Variants in DDX54 observed in about 807,000 individuals in gnomAD.
The protein encoded by DDX54 is ATP-dependent RNA helicase DDX54.
Under a neutral mutation model 105.5 loss-of-function variants are expected in DDX54, and 67 were observed. The ratio of observed to expected loss-of-function variants is 0.64; its 90% CI spans 0.52 to 0.78. The LOEUF is 0.78. Ranked by LOEUF, DDX54 falls within the 30% of genes least tolerant of loss-of-function variation. The pLI is 0.00. For synonymous variants in DDX54, 514 were observed against 509.9 expected (o/e 1.01, Z -0.11); for missense variants, 1,206 against 1,230.5 (o/e 0.98, Z 0.30).
intron 10 of DDX54, among the ~76,000 whole-genome samples, chr12:113,173,800 C>T (rs1952365662): frequency 1.3e-5 from 2 of 152,194 alleles, no homozygotes; most frequent in Admixed American, 6.5e-5. Context: ...GACCAGCTAT[C>T]AGCTGGTAAC....
In DDX54 at chr12:113,165,632, G is replaced by T. The variant is rs139034427; in HGVS notation, c.1719+12C>A. 1 of 1,596,710 alleles carries T rather than the reference G, an allele frequency of 6.3e-7. No homozygotes were observed. Among genetic ancestry groups the T allele is most frequent in the Admixed American group, 1.7e-5 (1 of 58,744 alleles). On this transcript the variant is annotated intron_variant, in intron 14 of 19. Transcript: ENST00000306014. ...AGGACTCAGAGCGTGGTCTCCACCC[G>T]GCCCCACTCACCGCCCGGGAGCGGT...
chr12:113,174,903 AC>A lies in DDX54; in HGVS notation c.907del (p.Val303TrpfsTer9). The A allele has an allele frequency of 6.2e-7, 1 of 1,613,874 alleles. No homozygotes were observed. Among genetic ancestry groups the A allele is most frequent in the South Asian group, 1.1e-5 (1 of 91,062 alleles). On this transcript the variant is annotated frameshift_variant, in exon 9 of 20. Coordinates refer to ENST00000306014, the MANE Select transcript of DDX54 (RefSeq NM_024072.4). LOFTEE classifies it high-confidence loss of function. ...CAGCTGCTCGTTGAGCTTGGTATCC[AC>A]GTCAAGCCGGATGAGCACGGGCTCC... ...LTEPVLIRLD[V>X]DTKLNEQLKT...
At chr12:113,172,253 GCCACC>G in intron 11 of DDX54, 95 bp downstream of exon 11, 4 of 1,358,132 alleles carry the variant, frequency 2.9e-6, no homozygotes, top group South Asian at 2.6e-5. Flanking sequence ...AAGGCCCACA[GCCACC>G]CCATGTGCAG....
intron 3 of DDX54, 66 bp from the exon 4 acceptor site, chr12:113,179,397 C>A: frequency 6.4e-7 from 1 of 1,557,722 alleles, no homozygotes; most frequent in Admixed American, 1.8e-5. Context: ...TCCAGAGCTT[C>A]AAGGCCCTGA....
rs867017030 is a variant in DDX54, at chr12:113,175,823, C to T, written c.753-666G>A. ...AAAAAATTAGCTGGGCATGGTGGCG[C>T]ATGCCTATATTCCCAGCTACTCAGG... is the stretch of plus-strand genomic sequence containing the variant. On this transcript the variant is annotated intron_variant, in intron 7 of 19. Coordinates refer to ENST00000306014, the MANE Select transcript of DDX54 (RefSeq NM_024072.4). Among the ~76,000 whole-genome samples, 5 of 152,096 alleles carry T rather than the reference C, an allele frequency of 3.3e-5. No homozygotes were observed. The Middle Eastern group carries it at 0.014, about 417-fold the overall frequency.
At chr12:113,173,062 T>C (rs1952358378) in intron 10 of DDX54, among the ~76,000 whole-genome samples, 1 of 152,196 alleles carries the variant, frequency 6.6e-6, no homozygotes, top group South Asian at 2.1e-4. Context: ...CTATTTAAAC[T>C]GGGCATGGTG....
In DDX54 at chr12:113,185,305, C is replaced by T; in HGVS notation, c.147G>A (p.Gln49=). Residue 49 remains glutamine (Q), a synonymous_variant, in exon 1 of 20, where the codon CAG becomes CAA. Coordinates refer to ENST00000306014, the MANE Select transcript of DDX54 (RefSeq NM_024072.4). The stretch of plus-strand genomic sequence containing the variant: ...TCCGGGCCCGGGCGTCATCTTCCGC[C>T]TGGATCTCAAACTCGCCGTCCTCCG... ...SDSEDGEFEI[Q]AEDDARARKL... The T allele has an allele frequency of 6.3e-7, 1 of 1,588,322 alleles. No individual in the cohort carries two copies. Among genetic ancestry groups the T allele is most frequent in the Non-Finnish European group, 8.5e-7 (1 of 1,170,752 alleles).
In DDX54 at chr12:113,174,723, G is replaced by A; in HGVS notation, c.985C>T (p.His329Tyr). 6.2e-7 allele frequency: 1 copy of A among 1,609,140 alleles called. No homozygotes were observed. The highest frequency in any genetic ancestry group is 1.1e-5 in the South Asian group (1 of 90,940). The change falls in exon 10 of 20, where the codon CAC (histidine) becomes TAC (tyrosine). Residue 329 changes from histidine to tyrosine, a missense_variant. By Grantham distance (83) the His-to-Tyr change is moderately conservative. Coordinates refer to ENST00000306014, the MANE Select transcript of DDX54 (RefSeq NM_024072.4). ...GGCCGCACCACGTTGTGCAGCAGGT[G>A]GAGCAGCACGGCAGCCTTGGTGTCC... ...REDTKAAVLL[H>Y]LLHNVVRPQD...
chr12:113,162,702 G>C (rs1441825759), intron 17 of DDX54: 3 of 466,042 alleles, frequency 6.4e-6, no homozygotes, highest in Non-Finnish European at 1.1e-5. Context: ...AGGCTCACTC[G>C]CTCACTCACC....
rs867343205 is a variant in DDX54 at position 113,169,856 on chromosome 12, G to A, written c.1328C>T (p.Ala443Val). ...CAGCAGGTAGGGGATTTCATCAGGG[G>A]CCACCAAGGAGTAGGCTGTGCCACT... ...GRSGTAYSLV[A>V]PDEIPYLLDL... The change falls in exon 12 of 20, where the codon GCC (alanine) becomes GTC (valine). Residue 443 changes from alanine to valine, a missense_variant. Physicochemically the swap from Ala to Val is moderately conservative, Grantham distance 64. Transcript: ENST00000306014. The A allele has an allele frequency of 2.5e-6, 4 of 1,614,000 alleles. No individual in the cohort carries two copies. Among genetic ancestry groups the A allele is most frequent in the Middle Eastern group, 1.7e-4 (1 of 6,060 alleles).
chr12:113,163,925 G>GC lies in DDX54; in HGVS notation c.1938+141dup. The GC allele has an allele frequency of 2.1e-6, 3 of 1,405,156 alleles. No homozygotes were observed. The highest frequency in any genetic ancestry group is 3.1e-5 in the South Asian group (2 of 64,458). 87.0% of individuals were successfully genotyped at this position (1,405,156 alleles called of 1,614,324 possible). Reference sequence around the variant, plus strand: ...ACGAGGGATGGTGGACAAGAACCATGCCCCGACTCTGCAGATGGGAAGCTG... The same window carrying GC: ...ACGAGGGATGGTGGACAAGAACCATGCCCCCGACTCTGCAGATGGGAAGCTG... On this transcript the variant is annotated intron_variant, in intron 15 of 19. Coordinates refer to ENST00000306014, the MANE Select transcript of DDX54 (RefSeq NM_024072.4). The surrounding 1 kb of genome is among the most constrained non-coding windows in gnomAD (Gnocchi z 5.9).
At chr12:113,183,056 A>G (rs2136328688) in intron 1 of DDX54, among the ~76,000 whole-genome samples, 1 of 151,974 alleles carries the variant, frequency 6.6e-6, no homozygotes, top group East Asian at 1.9e-4. Context: ...CAGTCTCGCC[A>G]TGCATGTTGC....
rs1285039387 is a variant in DDX54, at chr12:113,177,414, A to G, written c.615-321T>C. 9.8e-6 allele frequency: 3 copies of G among 307,248 alleles called. No homozygotes were observed. In the East Asian group the frequency reaches 1.9e-4, roughly 19 times the overall value. The allele number at this position is 307,248 out of a possible 1,614,324, so 19.0% of individuals were successfully genotyped here. On this transcript the variant is annotated intron_variant, in intron 5 of 19. Coordinates refer to ENST00000306014, the MANE Select transcript of DDX54 (RefSeq NM_024072.4). Reference sequence around the variant, plus strand: ...CACAGTGCCCCCAGCAACTAACCCCAGAACTACCAGCCCCAACTAGAACCC... The same window carrying G: ...CACAGTGCCCCCAGCAACTAACCCCGGAACTACCAGCCCCAACTAGAACCC...
At chr12:113,174,011 C>T (rs1001807145) in intron 10 of DDX54, among the ~76,000 whole-genome samples, 29 of 151,954 alleles carry the variant, frequency 1.9e-4, no homozygotes, top group African/African-American at 6.5e-4. Flanking sequence ...GGCAAAACCC[C>T]GTCTCCATGA....
chr12:113,168,874 G>A (rs1029751599), intron 12 of DDX54, among the ~76,000 whole-genome samples: 3 of 152,138 alleles, frequency 2.0e-5, no homozygotes, highest in Admixed American at 6.5e-5. Flanking sequence ...AGGTTGTGGT[G>A]AGCCAAGATT....
chr12:113,165,768 C>A, intron 13 of DDX54, 34 bp downstream of exon 13: 1 of 1,602,658 alleles, frequency 6.2e-7, no homozygotes, highest in Non-Finnish European at 8.5e-7. Flanking sequence ...CAGCAAGGCC[C>A]ACCTGCCACC....
intron 19 of DDX54, among the ~76,000 whole-genome samples, chr12:113,160,033 C>A (rs1408108592): frequency 6.6e-6 from 1 of 152,188 alleles, no homozygotes; most frequent in Non-Finnish European, 1.5e-5. Context: ...CCACAGGTCG[C>A]CCCCGTCTCC....
At chr12:113,170,046 A>T (rs1332157425) in intron 11 of DDX54, 142 bp from the exon 12 acceptor site, 1 of 1,193,586 alleles carries the variant, frequency 8.4e-7, no homozygotes, top group African/African-American at 1.5e-5. Context: ...CGCACAGGGA[A>T]GTTTAATCCC....
Position 113,169,831 on chromosome 12 carries a change from C to T in DDX54, c.1353G>A (p.Leu451=). 6.2e-7 allele frequency: 1 copy of T among 1,614,078 alleles called. No individual in the cohort carries two copies. Among genetic ancestry groups the T allele is most frequent in the South Asian group, 1.1e-5 (1 of 91,080 alleles). Reference sequence around the variant, plus strand: ...AGCGGCCCAGGAACAGGTGCAGATCCAGCAGGTAGGGGATTTCATCAGGGG... The same window carrying T: ...AGCGGCCCAGGAACAGGTGCAGATCTAGCAGGTAGGGGATTTCATCAGGGG... The part of the protein sequence containing the change: ...LVAPDEIPYL[L]DLHLFLGRSL... Residue 451 remains leucine, a synonymous_variant, in exon 12 of 20, where the codon CTG becomes CTA. Coordinates refer to ENST00000306014, the MANE Select transcript of DDX54 (RefSeq NM_024072.4).
Sources: gnomAD v4.1 joint callset for allele counts (sites outside exome capture counted in the v4.1 genomes callset) on GRCh38, gnomAD v4.1.1 for gene constraint, Gnocchi (gnomAD v3.1) non-coding constraint, MANE v1.5 for transcripts, NCBI Gene and HGNC (gene_info 2026-07-23, HGNC 2026-07-21) for gene names.